SYNE2: variants seen among roughly 807,000 people sequenced by gnomAD.
SYNE2 encodes nesprin-2.
In SYNE2, 431 loss-of-function variants were observed where a neutral mutation model predicts 856.3. The ratio of observed to expected loss-of-function variants is 0.50; its 90% CI spans 0.47 to 0.55. The LOEUF is 0.55. Among genes scored for constraint, SYNE2 ranks in the 20% least tolerant of loss-of-function variants. SYNE2 has a pLI of 0.00. For missense variants in SYNE2, 8,129 were observed against 8,023.2 expected, an observed-to-expected ratio of 1.01 and a Z score of -0.50; for synonymous variants, 2,923 against 2,872.3, an observed-to-expected ratio of 1.02 and a Z score of -0.56.
At position 64,114,529 on chromosome 14, in the gene SYNE2, A is replaced by G. The variant is rs552130924; in HGVS notation, c.12840+958A>G. Among the ~76,000 whole-genome samples, 7 of 152,082 alleles carry G rather than the reference A, an allele frequency of 4.6e-5. No individual in the cohort carries two copies. The East Asian group carries it at 7.7e-4, about 17-fold the overall frequency. The stretch of plus-strand genomic sequence containing the variant: ...CCACAGTTGTGCATTCTCCCCTTCT[A>G]TGTAAGCCCATAGTCTTAACAACAT... On this transcript the variant is annotated intron_variant, in intron 66 of 115. Coordinates refer to ENST00000555002, the MANE Select transcript of SYNE2 (RefSeq NM_182914.3).
rs1329976890 is a variant in SYNE2 at position 64,076,781 on chromosome 14, T to A, written c.11022+681T>A. ...TTTGTCTAGAATACTTACAACTTGA[T>A]AAATAAAATAGATCTTAAACACAAA... On this transcript the variant is annotated intron_variant, in intron 54 of 115. Coordinates refer to ENST00000555002, the MANE Select transcript of SYNE2 (RefSeq NM_182914.3). Among the ~76,000 whole-genome samples the A allele has an allele frequency of 2.0e-5, 3 of 147,676 alleles. No individual in the cohort carries two copies. The East Asian group carries it at 6.1e-4, about 30-fold the overall frequency.
chr14:63,872,639 G>T (rs1195895074), intron 1 of SYNE2, among the ~76,000 whole-genome samples: 1 of 151,318 alleles, frequency 6.6e-6, no homozygotes, highest in African/African-American at 2.4e-5. Context: ...ACGGGTGCCT[G>T]TAATCCCGGT....
chr14:63,948,148 C>G lies in SYNE2; in HGVS notation c.409-1677C>G, dbSNP rs112543347. ...TCACACGTGTGCGTGCGCGCACATA[C>G]ACACACAGACACACACATACACACA... is the stretch of plus-strand genomic sequence containing the variant. On this transcript the variant is annotated intron_variant, in intron 6 of 115. Transcript: ENST00000555002. 7.3e-3 allele frequency among the ~76,000 whole-genome samples: 788 copies of G among 107,212 alleles called. 4 individuals are homozygous for G. The highest frequency in any genetic ancestry group is 0.026 in the African/African-American group (730 of 27,964). 70.3% of individuals were successfully genotyped at this position (107,212 alleles called of 152,430 possible). A position where few individuals can be genotyped will look rare whatever the true frequency, so the allele number is the denominator to read the frequency against.
intron 43 of SYNE2, 33 bp downstream of exon 43, chr14:64,027,826 G>A (rs1441887490): frequency 6.5e-7 from 1 of 1,542,426 alleles, no homozygotes; most frequent in East Asian, 2.2e-5. Context: ...TTAAATGATT[G>A]TTCTAATTAT....
intron 65 of SYNE2, among the ~76,000 whole-genome samples, chr14:64,109,570 A>G (rs956646800): frequency 4.6e-5 from 7 of 152,178 alleles, no homozygotes; most frequent in African/African-American, 1.4e-4. Flanking sequence ...TCTCTTTTGA[A>G]CTAATTTATG....
chr14:64,185,412 C>T (rs943419514), intron 96 of SYNE2, among the ~76,000 whole-genome samples: 4 of 151,794 alleles, frequency 2.6e-5, no homozygotes, highest in African/African-American at 9.7e-5. Context: ...TGGTTGTTTC[C>T]TTTTACCTTC....
chr14:64,105,574 A>T (rs1378282389), intron 64 of SYNE2, among the ~76,000 whole-genome samples: 1 of 152,248 alleles, frequency 6.6e-6, no homozygotes, highest in Non-Finnish European at 1.5e-5. Context: ...CCAAGATCAT[A>T]CAACTTGCAA....
At position 63,990,912 on chromosome 14, in the gene SYNE2, T is replaced by G. The variant is rs754120600; in HGVS notation, c.2473-30T>G. On this transcript the variant is annotated intron_variant, in intron 20 of 115. Coordinates refer to ENST00000555002, the MANE Select transcript of SYNE2 (RefSeq NM_182914.3). ...AGAATTTATTAAGAATTGGTCCCCG[T>G]GTTAATTTGAGAATTTTTTTGTCTT... 15 of 1,600,074 alleles carry G rather than the reference T, an allele frequency of 9.4e-6. No individual in the cohort carries two copies. The South Asian group carries it at 1.3e-4, about 14-fold the overall frequency.
intron 38 of SYNE2, chr14:64,023,529 T>C (rs1383816814): frequency 1.3e-5 from 2 of 152,658 alleles, no homozygotes; most frequent in Non-Finnish European, 2.9e-5. Context: ...TATTTTAACT[T>C]GTTTATACAT....
intron 1 of SYNE2, among the ~76,000 whole-genome samples, chr14:63,897,038 C>CA (rs750427700): frequency 1.1e-4 from 16 of 152,150 alleles, no homozygotes; most frequent in Non-Finnish European, 1.6e-4. Context: ...GATCACCTGT[C>CA]ATCAGGAGTT....
chr14:64,094,875 CTATTTT>C (rs1235102637), intron 61 of SYNE2: 1 of 164,554 alleles, frequency 6.1e-6, no homozygotes, highest in Non-Finnish European at 1.5e-5. Context: ...ATAGGAATAA[CTATTTT>C]TATTTTCTTT....
chr14:64,212,072 G>A lies in SYNE2; in HGVS notation c.18835G>A (p.Ala6279Thr), dbSNP rs145871645. The change falls in exon 104 of 116, where the codon GCC becomes ACC. Residue 6279 changes from alanine to threonine, a missense_variant. This residue lies in a region of SYNE2 where 5,410 missense variants were observed against 5,284.8 expected (regional missense o/e 1.02). Transcript: ENST00000555002. ...CGTGGAGCACTTCTCAGAGAGTGAC[G>A]CCGATGACAAGATGCGCCAACTGAA... The part of the protein sequence containing the change: ...TNVEHFSESD[A>T]DDKMRQLNGF... The A allele has an allele frequency of 2.4e-4, 390 of 1,614,138 alleles. 1 individual carries two copies. In the African/African-American group the frequency reaches 3.8e-3, roughly 16 times the overall value.
At chr14:64,101,246 T>G (rs1002749149) in intron 63 of SYNE2, among the ~76,000 whole-genome samples, 2 of 152,164 alleles carry the variant, frequency 1.3e-5, no homozygotes, top group Non-Finnish European at 2.9e-5. Context: ...CCACCGACAG[T>G]ATTCAGGGGT....
chr14:64,041,941 A>T (rs1315737650), intron 45 of SYNE2, among the ~76,000 whole-genome samples: 1 of 152,300 alleles, frequency 6.6e-6, no homozygotes, highest in South Asian at 2.1e-4. Flanking sequence ...AGGATAAATC[A>T]ATAACTATCT....
Position 63,981,102 on chromosome 14 carries a change from G to C in SYNE2, c.1765G>C (p.Ala589Pro). Residue 589 changes from alanine (A) to proline (P), a missense_variant, in exon 16 of 116, where the codon GCT becomes CCT. Transcript: ENST00000555002. ...STLQKVLACWATYVENLRLLR... is the reference protein window; with the variant it reads ...STLQKVLACWPTYVENLRLLR... ...TCTACAAAAAGTGCTGGCATGTTGGGCTACTTATGTGGAAAACCTTCGCTT... is the reference window on the plus strand; with the variant it reads ...TCTACAAAAAGTGCTGGCATGTTGGCCTACTTATGTGGAAAACCTTCGCTT... 6.2e-7 allele frequency: 1 copy of C among 1,613,768 alleles called. No individual in the cohort carries two copies. The highest frequency in any genetic ancestry group is 8.5e-7 in the Non-Finnish European group (1 of 1,179,766).
At chr14:63,907,661 G>A (rs1236870234) in intron 1 of SYNE2, among the ~76,000 whole-genome samples, 1 of 152,002 alleles carries the variant, frequency 6.6e-6, no homozygotes, top group Non-Finnish European at 1.5e-5. Context: ...ATCTTAGGGT[G>A]CCAAAATGAA....
chr14:64,208,160 C>T, intron 100 of SYNE2: 1 of 456,068 alleles, frequency 2.2e-6, no homozygotes, highest in South Asian at 1.5e-5. Context: ...GCCACCACAG[C>T]TTTGGCTGGA....
Position 63,876,364 on chromosome 14 carries a change from G to C in SYNE2, c.-52+23221G>C, listed in dbSNP as rs529762279. Among the ~76,000 whole-genome samples, 11 of 151,954 alleles carry C rather than the reference G, an allele frequency of 7.2e-5. No individual in the cohort carries two copies. In the East Asian group the frequency reaches 7.7e-4, roughly 11 times the overall value. ...GGCTGTAGTAAGCTATGATCATACT[G>C]CTAAACTCCAGCCTGGGTGACAGAG... On this transcript the variant is annotated intron_variant, in intron 1 of 115. Coordinates refer to ENST00000555002, the MANE Select transcript of SYNE2 (RefSeq NM_182914.3).
At chr14:63,822,500 A>T (rs1049920701) in intron 1 of SYNE2, among the ~76,000 whole-genome samples, 2 of 151,476 alleles carry the variant, frequency 1.3e-5, no homozygotes, top group Non-Finnish European at 3.0e-5. Context: ...AACACTGCAG[A>T]TGCCTGAGGC....
Sources: allele counts gnomAD v4.1 joint callset (sites outside exome capture counted in the v4.1 genomes callset), GRCh38; gene constraint gnomAD v4.1.1; regional missense constraint gnomAD v4.1.1; transcripts MANE v1.5; gene names NCBI Gene and HGNC (gene_info 2026-07-23, HGNC 2026-07-21).